The following CPA6 variants were observed in gnomAD, a reference collection of about 807,000 sequenced individuals.
The protein encoded by CPA6 is carboxypeptidase A6.
A neutral mutation model predicts 63.3 loss-of-function variants in CPA6; 58 were observed. The observed-to-expected ratio is 0.92, with a 90% CI of 0.74 to 1.14. The LOEUF (loss-of-function observed/expected upper bound fraction) is 1.14, where lower values mean the gene tolerates loss of function less well. Ranked by LOEUF, CPA6 falls within the 50% of genes most tolerant of loss-of-function variation. The pLI, the probability that CPA6 is intolerant of heterozygous loss-of-function variation, is 0.00. For missense variants in CPA6, 565 were observed against 526.6 expected, an observed-to-expected ratio of 1.07 and a Z score of -0.71; for synonymous variants, 185 against 179.0, an observed-to-expected ratio of 1.03 and a Z score of -0.27.
intron 8 of CPA6, among the ~76,000 whole-genome samples, chr8:67,446,309 A>G (rs1363814044): frequency 6.6e-6 from 1 of 151,516 alleles, no homozygotes; most frequent in African/African-American, 2.4e-5. Context: ...GCAATATGGT[A>G]TTATTTATTT....
chr8:67,428,012 A>G, intron 10 of CPA6, 35 bp downstream of exon 10: 2 of 1,375,910 alleles, frequency 1.5e-6, no homozygotes, highest in Non-Finnish European at 2.1e-6. Context: ...GGTTCAAGAG[A>G]GAGGATTCTA....
intron 8 of CPA6, among the ~76,000 whole-genome samples, chr8:67,445,139 C>T (rs980699610): frequency 6.6e-6 from 1 of 152,140 alleles, no homozygotes; most frequent in Non-Finnish European, 1.5e-5. Context: ...TATAGACTAT[C>T]TGTTTTGGGA....
intron 1 of CPA6, among the ~76,000 whole-genome samples, chr8:67,665,168 G>T (rs1181443182): frequency 6.6e-6 from 1 of 152,022 alleles, no homozygotes; most frequent in Non-Finnish European, 1.5e-5. Context: ...ATTTCTTCAC[G>T]GGAAAAACAA....
intron 8 of CPA6, among the ~76,000 whole-genome samples, chr8:67,439,252 C>T (rs1047184179): frequency 4.6e-5 from 7 of 152,026 alleles, no homozygotes; most frequent in Non-Finnish European, 8.8e-5. Flanking sequence ...GTGATGGTGC[C>T]ATTGCACTCT....
chr8:67,483,077 T>C (rs1404842535), intron 8 of CPA6, among the ~76,000 whole-genome samples: 1 of 152,198 alleles, frequency 6.6e-6, no homozygotes, highest in Non-Finnish European at 1.5e-5. Flanking sequence ...TTGAGGGACC[T>C]ACAGAAAGAC....
At chr8:67,665,526 T>C (rs953660783) in intron 1 of CPA6, among the ~76,000 whole-genome samples, 1 of 152,230 alleles carries the variant, frequency 6.6e-6, no homozygotes, top group African/African-American at 2.4e-5. Context: ...TCTTTAAAAA[T>C]AAGTAGAAAA....
chr8:67,472,983 C>A (rs1031892917), intron 8 of CPA6, among the ~76,000 whole-genome samples: 2 of 152,128 alleles, frequency 1.3e-5, no homozygotes, highest in Admixed American at 1.3e-4. Context: ...AGCTTCTGGG[C>A]ATGTTCTGCC....
At chr8:67,527,305 C>T (rs74965932) in intron 2 of CPA6, among the ~76,000 whole-genome samples, 6 of 152,106 alleles carry the variant, frequency 3.9e-5, no homozygotes, top group Non-Finnish European at 8.8e-5. Context: ...GAAATGAAAA[C>T]CTGAATTACT....
At chr8:67,436,037 C>T (rs565282233) in intron 8 of CPA6, among the ~76,000 whole-genome samples, 7 of 151,608 alleles carry the variant, frequency 4.6e-5, no homozygotes, top group Admixed American at 4.6e-4. Context: ...TTAGCAAAAG[C>T]CTCCCTCCCA....
At chr8:67,565,183 G>A (rs887352734) in intron 2 of CPA6, among the ~76,000 whole-genome samples, 1 of 144,746 alleles carries the variant, frequency 6.9e-6, no homozygotes, top group Admixed American at 7.0e-5. Context: ...TTTTTTTTTT[G>A]TTGTTGTTTT....
At chr8:67,501,546 T>C (rs191019111) in intron 6 of CPA6, among the ~76,000 whole-genome samples, 66 of 152,288 alleles carry the variant, frequency 4.3e-4, no homozygotes, top group African/African-American at 1.5e-3. Flanking sequence ...TTTAATACAG[T>C]GGATTACAAT....
intron 1 of CPA6, among the ~76,000 whole-genome samples, chr8:67,640,856 C>T (rs1036832486): frequency 1.5e-4 from 22 of 151,644 alleles, no homozygotes; most frequent in South Asian, 2.1e-4. Context: ...CGAGTGAACC[C>T]GACACTCCTG....
At chr8:67,618,910 T>A (rs1815016587) in intron 2 of CPA6, among the ~76,000 whole-genome samples, 2 of 152,206 alleles carry the variant, frequency 1.3e-5, no homozygotes, top group Non-Finnish European at 2.9e-5. Flanking sequence ...ATGCTCTTAA[T>A]TAACAATTTA....
chr8:67,538,075 T>C (rs1812624841), intron 2 of CPA6, among the ~76,000 whole-genome samples: 1 of 152,206 alleles, frequency 6.6e-6, no homozygotes. Context: ...TCTGTTCTTT[T>C]GCATTTGCTG....
chr8:67,724,978 G>A (rs936856716), intron 1 of CPA6, among the ~76,000 whole-genome samples: 9 of 152,198 alleles, frequency 5.9e-5, no homozygotes, highest in East Asian at 3.8e-4. Flanking sequence ...TAAAGGAGAA[G>A]TCCCTTATAA....
At chr8:67,554,068 A>G (rs973998742) in intron 2 of CPA6, among the ~76,000 whole-genome samples, 4 of 152,248 alleles carry the variant, frequency 2.6e-5, no homozygotes, top group Non-Finnish European at 5.9e-5. Context: ...CCAGAGAGAC[A>G]CAACTGATAC....
chr8:67,643,805 G>C (rs747498911), intron 1 of CPA6, among the ~76,000 whole-genome samples: 1 of 152,060 alleles, frequency 6.6e-6, no homozygotes, highest in Non-Finnish European at 1.5e-5. Context: ...ACCTAGTACC[G>C]GTAGAAAATG....
chr8:67,500,763 A>AT (rs757413090), intron 6 of CPA6, among the ~76,000 whole-genome samples: 4,814 of 141,880 alleles, frequency 0.034, 97 homozygotes, highest in African/African-American at 0.048. Context: ...AAAAAGATTC[A>AT]TTTTTTTTTT....
At chr8:67,495,073 T>C (rs748585719) in intron 6 of CPA6, among the ~76,000 whole-genome samples, 1 of 152,194 alleles carries the variant, frequency 6.6e-6, no homozygotes, top group Non-Finnish European at 1.5e-5. Flanking sequence ...CCTGGCCTAG[T>C]GCATAGTAGT....
Sources: allele counts gnomAD v4.1 joint callset (sites outside exome capture counted in the v4.1 genomes callset), GRCh38; gene constraint gnomAD v4.1.1; transcripts MANE v1.5; gene names NCBI Gene and HGNC (gene_info 2026-07-23, HGNC 2026-07-21).